KNDC1: variants seen among roughly 807,000 people sequenced by gnomAD.
KNDC1 encodes the protein kinase non-catalytic C-lobe domain-containing protein 1.
KNDC1 carries 106 observed loss-of-function variants against 172.8 expected under a neutral mutation model. That is an observed-to-expected ratio of 0.61 (90% CI 0.52 to 0.72). KNDC1 has a LOEUF of 0.72. KNDC1 is among the 30% of genes least tolerant of loss of function. KNDC1 has a pLI of 0.00. For synonymous variants in KNDC1, 1,083 were observed against 1,062.2 expected (o/e 1.02, Z -0.38); for missense variants, 2,325 against 2,394.5 (o/e 0.97, Z 0.61).
chr10:133,211,597 G>A (rs765860590), intron 22 of KNDC1, 28 bp downstream of exon 22: 139 of 1,604,258 alleles, frequency 8.7e-5, no homozygotes, highest in Middle Eastern at 1.7e-4. Flanking sequence ...CTGGGCGGCC[G>A]CACCCGGGGC....
At chr10:133,168,131 G>C (rs1461428931) in intron 2 of KNDC1, 123 bp from the exon 3 acceptor site, 10 of 823,480 alleles carry the variant, frequency 1.2e-5, no homozygotes, top group Non-Finnish European at 2.1e-5. Flanking sequence ...AAATGGTCTG[G>C]GGACACCAGG....
intron 22 of KNDC1, 28 bp from the exon 23 acceptor site, chr10:133,211,651 A>T (rs1052429006): frequency 6.3e-7 from 1 of 1,586,184 alleles, no homozygotes; most frequent in Non-Finnish European, 8.6e-7. Flanking sequence ...GGTGGCAGTG[A>T]CCCCCCCACC....
At chr10:133,183,652 T>C (rs1853792517) in intron 4 of KNDC1, among the ~76,000 whole-genome samples, 162 bp downstream of exon 4, 1 of 152,188 alleles carries the variant, frequency 6.6e-6, no homozygotes, top group Non-Finnish European at 1.5e-5. Context: ...TTTTTTATTG[T>C]CCATTTTTGT....
chr10:133,224,978 C>A lies in KNDC1; in HGVS notation c.*88C>A. 1 of 1,081,952 alleles carries A rather than the reference C, an allele frequency of 9.2e-7. No homozygotes were observed. 67.0% of individuals were successfully genotyped at this position (1,081,952 alleles called of 1,614,324 possible). A position where few individuals can be genotyped will look rare whatever the true frequency, so the allele number is the denominator to read the frequency against. On this transcript the variant is annotated 3_prime_UTR_variant, in exon 30 of 30. Transcript: ENST00000304613. The surrounding 1 kb of genome is among the most constrained non-coding windows in gnomAD (Gnocchi z 5.4). Reference sequence around the variant, plus strand: ...GTGGGAGCCGCGTCTCAGGCCCGGCCGTTATCAAGGCCCCTCCGCCCCCGA... The same window carrying A: ...GTGGGAGCCGCGTCTCAGGCCCGGCAGTTATCAAGGCCCCTCCGCCCCCGA...
At chr10:133,202,750 G>C in intron 17 of KNDC1, 1 of 441,892 alleles carries the variant, frequency 2.3e-6, no homozygotes, top group Non-Finnish European at 4.5e-6. Flanking sequence ...GCAGGTGAGG[G>C]GACAGGGGTT....
chr10:133,218,970 C>G lies in KNDC1; in HGVS notation c.4800+17C>G. 1 of 1,613,680 alleles carries G rather than the reference C, an allele frequency of 6.2e-7. No homozygotes were observed. The highest frequency in any genetic ancestry group is 1.3e-5 in the African/African-American group (1 of 75,072). On this transcript the variant is annotated intron_variant, in intron 27 of 29. Coordinates refer to ENST00000304613, the MANE Select transcript of KNDC1 (RefSeq NM_152643.8). ...CAGTCCCCTGTGCGTCCCCCTCGGG[C>G]CCCAAGGCGGGGGTGGGTACCCGCA... is the stretch of plus-strand genomic sequence containing the variant.
At chr10:133,169,529 G>A (rs1179065795) in intron 3 of KNDC1, among the ~76,000 whole-genome samples, 1 of 152,246 alleles carries the variant, frequency 6.6e-6, no homozygotes, top group Non-Finnish European at 1.5e-5. Flanking sequence ...AAACAAGTGA[G>A]GCTGGAGCCC....
chr10:133,214,193 T>TATA, intron 26 of KNDC1, 71 bp downstream of exon 26: 1 of 1,543,066 alleles, frequency 6.5e-7, no homozygotes, highest in Non-Finnish European at 8.8e-7. Context: ...CAGCGCCTCC[T>TATA]ATAAGGCCGT....
intron 3 of KNDC1, among the ~76,000 whole-genome samples, chr10:133,182,718 GT>G (rs1244490612): frequency 2.6e-5 from 4 of 152,262 alleles, no homozygotes; most frequent in African/African-American, 9.6e-5. Flanking sequence ...AGGTTTTGAA[GT>G]TTTTGACCTA....
chr10:133,203,188 CGGGG>C lies in KNDC1; in HGVS notation c.3387+1291_3387+1294del, dbSNP rs1564893926. Among the ~76,000 whole-genome samples the C allele has an allele frequency of 2.5e-4, 17 of 67,012 alleles. No individual in the cohort carries two copies. The East Asian group carries it at 4.3e-3, about 17-fold the overall frequency. 44.0% of individuals were successfully genotyped at this position (67,012 alleles called of 152,430 possible). ...CGGCCCCCAAACGCACAGAGTCCAG[CGGGG>C]AGCACTCGGCCCCCAAACGCACGGC... is the stretch of plus-strand genomic sequence containing the variant. On this transcript the variant is annotated intron_variant, in intron 17 of 29. Transcript: ENST00000304613.
In KNDC1 at chr10:133,198,630, G is replaced by A. The variant is rs765616770; in HGVS notation, c.2122G>A (p.Glu708Lys). ...EESEERGGQREGEGEEKLSLE... is the reference protein window; with the variant it reads ...EESEERGGQRKGEGEEKLSLE... ...GTCCGAGGAGAGGGGCGGCCAGAGG[G>A]AGGGAGAAGGTGAGGAGAAGCTCTC... The change falls in exon 14 of 30, where the codon GAG becomes AAG. Residue 708 changes from glutamate (E) to lysine (K), a missense_variant. By Grantham distance (56) the Glu-to-Lys change is moderately conservative. Coordinates refer to ENST00000304613, the MANE Select transcript of KNDC1 (RefSeq NM_152643.8). 1 of 1,605,254 alleles carries A rather than the reference G, an allele frequency of 6.2e-7. No individual in the cohort carries two copies. The highest frequency in any genetic ancestry group is 1.3e-5 in the African/African-American group (1 of 74,988).
At chr10:133,204,832 C>T (rs1854478293) in intron 17 of KNDC1, among the ~76,000 whole-genome samples, 1 of 152,082 alleles carries the variant, frequency 6.6e-6, no homozygotes, top group African/African-American at 2.4e-5. Flanking sequence ...TCGCTTCGGG[C>T]CCTGGGCACG....
rs199662191 is a variant in KNDC1 at position 133,200,428 on chromosome 10, C to T, written c.2957C>T (p.Pro986Leu). 3.8e-5 allele frequency: 61 copies of T among 1,596,444 alleles called. No individual in the cohort carries two copies. Among genetic ancestry groups the T allele is most frequent in the Middle Eastern group, 1.7e-4 (1 of 6,040 alleles). The change falls in exon 16 of 30, where the codon CCG becomes CTG. Residue 986 changes from proline (P) to leucine (L), a missense_variant. Coordinates refer to ENST00000304613, the MANE Select transcript of KNDC1 (RefSeq NM_152643.8). ...QLEGSQSPRS[P>L]SSKRPSLHRL... ...GAGGGCAGCCAAAGCCCCCGCTCCC[C>T]GTCCAGCAAGAGGCCGTCGCTGCAC...
Position 133,185,874 on chromosome 10 carries a change from T to A in KNDC1, c.626-100T>A, listed in dbSNP as rs531531387. The A allele has an allele frequency of 6.8e-5, 21 of 308,400 alleles. 1 individual carries two copies. Among genetic ancestry groups the A allele is most frequent in the African/African-American group, 2.2e-4 (2 of 9,114 alleles). 19.1% of individuals were successfully genotyped at this position (308,400 alleles called of 1,614,324 possible). A position where few individuals can be genotyped will look rare whatever the true frequency, so the allele number is the denominator to read the frequency against. ...GAGGGGAGAGGTGGGAGGGGAGGGG[T>A]GGGAGGAGAGGGGAGGGGTGGGAGG... On this transcript the variant is annotated intron_variant, in intron 5 of 29. Transcript: ENST00000304613.
intron 3 of KNDC1, among the ~76,000 whole-genome samples, chr10:133,171,459 A>C (rs946726883): frequency 2.6e-5 from 4 of 151,936 alleles, no homozygotes; most frequent in Admixed American, 2.6e-4. Flanking sequence ...TTTTATAGAG[A>C]TGGGGTCTCA....
At chr10:133,211,987 G>A in intron 23 of KNDC1, 129 bp downstream of exon 23, 1 of 841,796 alleles carries the variant, frequency 1.2e-6, no homozygotes, top group Admixed American at 3.1e-5. Context: ...CTGTATACAT[G>A]CATACACATA....
In KNDC1 at chr10:133,224,589, G is replaced by C; in HGVS notation, c.5019-70G>C. ...CCAAATGATTCCTAAGAACGCGGGGGGACTCCCTCCCCACGGAAGCCGCGC... is the reference window on the plus strand; with the variant it reads ...CCAAATGATTCCTAAGAACGCGGGGCGACTCCCTCCCCACGGAAGCCGCGC... On this transcript the variant is annotated intron_variant, in intron 29 of 29. Coordinates refer to ENST00000304613, the MANE Select transcript of KNDC1 (RefSeq NM_152643.8). The surrounding 1 kb of genome is among the most constrained non-coding windows in gnomAD (Gnocchi z 5.4). 9.3e-7 allele frequency: 1 copy of C among 1,079,116 alleles called. No homozygotes were observed. 66.8% of individuals were successfully genotyped at this position (1,079,116 alleles called of 1,614,324 possible).
rs561982453 is a variant in KNDC1 at position 133,224,385 on chromosome 10, T to C, written c.5019-274T>C. ...CCTGCGGCAGACTGGGCTTGACTCT[T>C]CTTGGGACGCTCAGCAGGGACGAGC... On this transcript the variant is annotated intron_variant, in intron 29 of 29. Coordinates refer to ENST00000304613, the MANE Select transcript of KNDC1 (RefSeq NM_152643.8). The surrounding 1 kb of genome is among the most constrained non-coding windows in gnomAD (Gnocchi z 5.4). Among the ~76,000 whole-genome samples the C allele has an allele frequency of 5.3e-5, 8 of 152,256 alleles. No homozygotes were observed. The highest frequency in any genetic ancestry group is 1.4e-4 in the African/African-American group (6 of 41,554).
chr10:133,183,619 AT>A (rs1853791822), intron 4 of KNDC1, 129 bp downstream of exon 4: 1 of 1,141,532 alleles, frequency 8.8e-7, no homozygotes, highest in Non-Finnish European at 1.2e-6. Flanking sequence ...ATGGCATGGC[AT>A]TTTGCTTAAA....
Sources: gnomAD v4.1 joint callset for allele counts (sites outside exome capture counted in the v4.1 genomes callset) on GRCh38, gnomAD v4.1.1 for gene constraint, Gnocchi (gnomAD v3.1) non-coding constraint, MANE v1.5 for transcripts, NCBI Gene and HGNC (gene_info 2026-07-23, HGNC 2026-07-21) for gene names.